Variants in GAS7 observed in about 807,000 individuals in gnomAD.
GAS7 encodes growth arrest specific 7, also known as growth arrest-specific protein 7.
In GAS7, 28 loss-of-function variants were observed where a neutral mutation model predicts 71.1. That is an observed-to-expected ratio of 0.39 (90% CI 0.29 to 0.54). The LOEUF (loss-of-function observed/expected upper bound fraction) is 0.54. Among genes scored for constraint, GAS7 ranks in the 20% least tolerant of loss-of-function variants. The pLI is 0.62. For missense variants in GAS7, 436 were observed against 627.8 expected (o/e 0.69, Z 3.27); for synonymous variants, 258 against 245.8 (o/e 1.05, Z -0.46).
At chr17:9,954,327 A>G (rs146790811) in intron 5 of GAS7, among the ~76,000 whole-genome samples, 56 of 152,250 alleles carry the variant, frequency 3.7e-4, no homozygotes, top group African/African-American at 1.3e-3. Context: ...AGGCAGCAGG[A>G]CAGCGGGGGC....
rs754752509 is a variant in GAS7 at position 10,127,575 on chromosome 17, C to T, written c.183+70633G>A. ...ACTCACAGAGGGACAGACTCAGGGC[C>T]GCAGGACACAATCCTCATTCAAGAA... On this transcript the variant is annotated intron_variant, in intron 1 of 13. Coordinates refer to ENST00000432992, the MANE Select transcript of GAS7 (RefSeq NM_201433.2). Among the ~76,000 whole-genome samples, 7 of 152,252 alleles carry T rather than the reference C, an allele frequency of 4.6e-5. No individual in the cohort carries two copies. In the East Asian group the frequency reaches 7.7e-4, roughly 17 times the overall value.
chr17:10,184,856 G>A (rs1004288650), intron 1 of GAS7, among the ~76,000 whole-genome samples: 3 of 151,978 alleles, frequency 2.0e-5, no homozygotes, highest in Non-Finnish European at 4.4e-5. Flanking sequence ...TGGGATTTTT[G>A]AGCCCCACCT....
intron 1 of GAS7, among the ~76,000 whole-genome samples, chr17:10,044,285 G>A (rs1191436250): frequency 2.6e-5 from 4 of 152,206 alleles, no homozygotes; most frequent in African/African-American, 9.6e-5. Context: ...GTGATGAACT[G>A]TTCATCCAGG....
intron 2 of GAS7, among the ~76,000 whole-genome samples, chr17:9,991,536 C>G (rs1220015714): frequency 6.6e-6 from 1 of 152,156 alleles, no homozygotes; most frequent in Non-Finnish European, 1.5e-5. Flanking sequence ...CCAGCCTGCA[C>G]AGAGGGCCTG....
chr17:10,003,851 C>A (rs2071365647), intron 2 of GAS7, among the ~76,000 whole-genome samples: 1 of 152,196 alleles, frequency 6.6e-6, no homozygotes, highest in South Asian at 2.1e-4. Context: ...CTTCTCACCC[C>A]ATTTTCCTCC....
intron 1 of GAS7, among the ~76,000 whole-genome samples, chr17:10,144,569 A>G (rs1382849264): frequency 1.3e-5 from 2 of 152,122 alleles, no homozygotes; most frequent in African/African-American, 2.4e-5. Context: ...CTTTTAAGAC[A>G]GACATGCTCT....
At chr17:9,976,425 G>A (rs1232384571) in intron 3 of GAS7, among the ~76,000 whole-genome samples, 2 of 152,200 alleles carry the variant, frequency 1.3e-5, no homozygotes, top group Admixed American at 6.5e-5. Flanking sequence ...AAGAAGCGAG[G>A]GTCTTCCTTT....
rs562839963 is a variant in GAS7 at position 10,101,579 on chromosome 17, C to T, written c.184-81682G>A. ...AGAACAGGCGGTACCTACAGCCACA[C>T]GCCTGTGGGCTTTTCATTCATGAGG... On this transcript the variant is annotated intron_variant, in intron 1 of 13. Transcript: ENST00000432992. Among the ~76,000 whole-genome samples, 7 of 152,328 alleles carry T rather than the reference C, an allele frequency of 4.6e-5. No individual in the cohort carries two copies. In the East Asian group the frequency reaches 5.8e-4, roughly 13 times the overall value.
chr17:10,081,273 G>A (rs1320818636), intron 1 of GAS7, among the ~76,000 whole-genome samples: 2 of 152,170 alleles, frequency 1.3e-5, no homozygotes, highest in Non-Finnish European at 1.5e-5. Context: ...TCCTGCCTCA[G>A]CCTCCTGAGT....
chr17:10,036,343 T>C, intron 1 of GAS7: 2 of 1,097,114 alleles, frequency 1.8e-6, no homozygotes, highest in Non-Finnish European at 2.8e-6. Context: ...TTTTCAGAGC[T>C]GCCTCTTTAC....
chr17:9,947,411 T>C (rs1052167865), intron 5 of GAS7, among the ~76,000 whole-genome samples: 1 of 152,152 alleles, frequency 6.6e-6, no homozygotes, highest in Non-Finnish European at 1.5e-5. Flanking sequence ...TAGACATCTA[T>C]GGAAATCAGA....
intron 2 of GAS7, among the ~76,000 whole-genome samples, chr17:9,998,584 T>G (rs904190909): frequency 3.3e-5 from 5 of 151,530 alleles, no homozygotes; most frequent in Admixed American, 3.3e-4. Flanking sequence ...CTGGGCAATA[T>G]AGTGAGACCC....
At chr17:9,931,263 T>C (rs1567788016) in intron 9 of GAS7, among the ~76,000 whole-genome samples, 1 of 152,132 alleles carries the variant, frequency 6.6e-6, no homozygotes, top group Non-Finnish European at 1.5e-5. Context: ...TCTCGCGTGG[T>C]GGTTGACGGC....
intron 1 of GAS7, among the ~76,000 whole-genome samples, chr17:10,021,794 T>C (rs1347621614): frequency 1.3e-5 from 2 of 152,194 alleles, no homozygotes; most frequent in African/African-American, 2.4e-5. Flanking sequence ...ATAGCCAAAA[T>C]ATATGCAAGA....
chr17:9,934,294 G>A (rs893334089), intron 8 of GAS7, 50 bp from the exon 9 acceptor site: 67 of 1,292,798 alleles, frequency 5.2e-5, no homozygotes, highest in Non-Finnish European at 7.1e-5. Context: ...AGCCCTTCCT[G>A]AGGCAGGATG....
chr17:10,014,883 G>C, intron 2 of GAS7, among the ~76,000 whole-genome samples: 1 of 152,080 alleles, frequency 6.6e-6, no homozygotes, highest in African/African-American at 2.4e-5. Context: ...AGCCAGGTGC[G>C]GTGACTCACG....
intron 13 of GAS7, 106 bp from the exon 14 acceptor site, chr17:9,917,447 C>G (rs1567765726): frequency 1.3e-6 from 1 of 792,776 alleles, no homozygotes; most frequent in Non-Finnish European, 2.1e-6. Context: ...AGAGCAGCCT[C>G]TCTAGAGGGC....
At chr17:10,032,677 C>T (rs1440942362) in intron 1 of GAS7, among the ~76,000 whole-genome samples, 1 of 152,172 alleles carries the variant, frequency 6.6e-6, no homozygotes, top group Non-Finnish European at 1.5e-5. Context: ...ACAGCAGCCA[C>T]ATAAACAAAA....
In GAS7 at chr17:9,959,859, G is replaced by A. The variant is rs558193056; in HGVS notation, c.472-604C>T. On this transcript the variant is annotated intron_variant, in intron 4 of 13. Coordinates refer to ENST00000432992, the MANE Select transcript of GAS7 (RefSeq NM_201433.2). This position sits in a 1 kb window ranked among gnomAD's most constrained non-coding sequence, Gnocchi z 5.0. ...ATATTGCCTTTTGATGTCTTCCACC[G>A]CCAGTAAGAAAACCAGAGTCCCAAG... Among the ~76,000 whole-genome samples the A allele has an allele frequency of 6.6e-5, 10 of 152,002 alleles. 1 individual carries two copies. Among genetic ancestry groups the A allele is most frequent in the Admixed American group, 1.3e-4 (2 of 15,264 alleles).
Sources: gnomAD v4.1 joint callset for allele counts (sites outside exome capture counted in the v4.1 genomes callset) on GRCh38, gnomAD v4.1.1 for gene constraint, Gnocchi (gnomAD v3.1) non-coding constraint, MANE v1.5 for transcripts, NCBI Gene and HGNC (gene_info 2026-07-23, HGNC 2026-07-21) for gene names.